The following PCDHA5 variants were observed in gnomAD, a reference collection of about 807,000 sequenced individuals.
The protein encoded by PCDHA5 is protocadherin alpha 5, also known as protocadherin alpha-5.
Under a neutral mutation model 61.6 loss-of-function variants are expected in PCDHA5, and 43 were observed. That is an observed-to-expected ratio of 0.70 (90% confidence interval 0.55 to 0.90). PCDHA5 has a LOEUF of 0.90. PCDHA5 is among the 40% of genes least tolerant of loss of function. The probability of loss-of-function intolerance (pLI) is 0.00; values close to 1 mark genes in which losing one functional copy is unlikely to be tolerated. For missense variants in PCDHA5, 1,298 were observed against 1,222.7 expected (o/e 1.06, Z -0.92); for synonymous variants, 627 against 543.9 (o/e 1.15, Z -2.13).
At chr5:140,891,317 C>A (rs2063039508) in intron 1 of PCDHA5, among the ~76,000 whole-genome samples, 1 of 151,808 alleles carries the variant, frequency 6.6e-6, no homozygotes, top group South Asian at 2.1e-4. Context: ...TGAGTAAGTT[C>A]TTTGGTGGTG....
Position 140,841,637 on chromosome 5 carries a change from C to G in PCDHA5, c.2352+17510C>G, listed in dbSNP as rs2150319876. The G allele has an allele frequency of 4.3e-6, 7 of 1,614,008 alleles. No individual in the cohort carries two copies. Among genetic ancestry groups the G allele is most frequent in the Admixed American group, 3.3e-5 (2 of 59,990 alleles). ...GCGGAGCGCGGAGTGCAGCATCCAC[C>G]TGGAGGTGATCGTGGACAGGCCGCT... On this transcript the variant is annotated intron_variant, in intron 1 of 3. Coordinates refer to ENST00000529859, the MANE Select transcript of PCDHA5 (RefSeq NM_018908.3).
Position 140,908,048 on chromosome 5 carries a change from C to T in PCDHA5, c.2353-70901C>T, listed in dbSNP as rs143198443. On this transcript the variant is annotated intron_variant, in intron 1 of 3. Transcript: ENST00000529859. The stretch of plus-strand genomic sequence containing the variant: ...ATTAATCAGTATATAATTGCACATC[C>T]GGCCATTTCTCCTTCATGAAAAGTG... 1.1e-3 allele frequency among the ~76,000 whole-genome samples: 169 copies of T among 152,294 alleles called. 1 individual carries two copies. The East Asian group carries it at 0.023, about 21-fold the overall frequency.
At chr5:140,856,648 T>C in intron 1 of PCDHA5, 1 of 1,598,290 alleles carries the variant, frequency 6.3e-7, no homozygotes, top group Non-Finnish European at 8.6e-7. Context: ...AGCTGCTGGA[T>C]CGTGAAGAAA....
chr5:140,867,114 G>T (rs567577345), intron 1 of PCDHA5: 1 of 152,168 alleles, frequency 6.6e-6, no homozygotes, highest in Admixed American at 6.5e-5. Context: ...TTAACATATT[G>T]TTTTAATTCA....
At position 140,998,145 on chromosome 5, in the gene PCDHA5, A is replaced by G. The variant is rs115385085; in HGVS notation, c.2501-11482A>G. ...GAATCATAATAGCTAACCTGTACTG[A>G]ACAGTTAAGCCATGTGCCAAGTATT... On this transcript the variant is annotated intron_variant, in intron 3 of 3. Transcript: ENST00000529859. 2.1e-3 allele frequency among the ~76,000 whole-genome samples: 325 copies of G among 152,342 alleles called. 2 individuals carry two copies. Among genetic ancestry groups the G allele is most frequent in the African/African-American group, 7.1e-3 (294 of 41,566 alleles).
chr5:140,871,436 G>A, intron 1 of PCDHA5: 1 of 1,612,324 alleles, frequency 6.2e-7, no homozygotes, highest in East Asian at 2.2e-5. Context: ...CTTCCTCTAG[G>A]TCTGAATAAA....
rs2150336265 is a variant in PCDHA5, at chr5:140,842,444, A to C, written c.2352+18317A>C. 3.1e-6 allele frequency: 5 copies of C among 1,613,778 alleles called. No homozygotes were observed. The East Asian group carries it at 1.1e-4, about 36-fold the overall frequency. On this transcript the variant is annotated intron_variant, in intron 1 of 3. Transcript: ENST00000529859. ...TACTGTCATCGCCCTAATTAGCGTGAACGACCTCGATTCAGGTGCCAACGG... is the reference window on the plus strand; with the variant it reads ...TACTGTCATCGCCCTAATTAGCGTGCACGACCTCGATTCAGGTGCCAACGG...
chr5:140,822,816 A>C lies in PCDHA5; in HGVS notation c.1041A>C (p.Pro347=). The C allele has an allele frequency of 6.2e-7, 1 of 1,614,198 alleles. No homozygotes were observed. The highest frequency in any genetic ancestry group is 8.5e-7 in the Non-Finnish European group (1 of 1,180,024). ...TCCTGGATGTGAATGATAATACCCC[A>C]GAGATGGCCATAACCACCCTTTTCC... ...VKLLDVNDNT[P]EMAITTLFLP... The change falls in exon 1 of 4, where the codon CCA becomes CCC. Residue 347 remains proline (P), a synonymous_variant. Coordinates refer to ENST00000529859, the MANE Select transcript of PCDHA5 (RefSeq NM_018908.3).
rs147892853 is a variant in PCDHA5 at position 140,979,173 on chromosome 5, C to A, written c.2411+166C>A. ...CCCATGTTTATTCCTTGAAAGATCG[C>A]AAATGGTCAGTGCCAGATGCTTATC... On this transcript the variant is annotated intron_variant, in intron 2 of 3. Transcript: ENST00000529859. The A allele has an allele frequency of 5.2e-6, 5 of 958,838 alleles. No individual in the cohort carries two copies. The Admixed American group carries it at 3.1e-4, about 59-fold the overall frequency. 59.4% of individuals were successfully genotyped at this position (958,838 alleles called of 1,614,324 possible).
At chr5:140,952,794 G>T (rs2094798904) in intron 1 of PCDHA5, among the ~76,000 whole-genome samples, 1 of 152,140 alleles carries the variant, frequency 6.6e-6, no homozygotes, top group Admixed American at 6.5e-5. Context: ...GGTTTAACTG[G>T]CTCGCAGTTC....
chr5:140,941,939 T>C (rs2153657014), intron 1 of PCDHA5, among the ~76,000 whole-genome samples: 1 of 152,358 alleles, frequency 6.6e-6, no homozygotes, highest in African/African-American at 2.4e-5. Context: ...TTTGAATTAC[T>C]TTTGTTTTGA....
chr5:140,941,191 TTTTCTTTCTTCCTTTCTTTCTTCC>T (rs1293685535), intron 1 of PCDHA5, among the ~76,000 whole-genome samples: 31 of 93,206 alleles, frequency 3.3e-4, no homozygotes, highest in African/African-American at 1.1e-3. Context: ...GCTTCTTTTT[TTTTCTTTCTTCCTTTCTTTCTTCC>T]TTTCTTTCTT....
At chr5:140,829,309 G>C (rs2150165707) in intron 1 of PCDHA5, 8 of 1,614,134 alleles carry the variant, frequency 5.0e-6, no homozygotes, top group Non-Finnish European at 6.8e-6. Flanking sequence ...ATTACTACTC[G>C]TTGGTGCTGG....
At chr5:140,828,561 C>G (rs2150156811) in intron 1 of PCDHA5, 1 of 1,614,178 alleles carries the variant, frequency 6.2e-7, no homozygotes, top group Admixed American at 1.7e-5. Flanking sequence ...CTGGAGGGCG[C>G]GTCCGATGCA....
chr5:140,966,694 C>T, intron 1 of PCDHA5: 1 of 1,358,670 alleles, frequency 7.4e-7, no homozygotes, highest in Non-Finnish European at 9.5e-7. Context: ...GAGGCGGGGC[C>T]CGGGCGTGGG....
chr5:140,932,406 T>C (rs1235222855), intron 1 of PCDHA5, among the ~76,000 whole-genome samples: 1 of 151,924 alleles, frequency 6.6e-6, no homozygotes, highest in East Asian at 1.9e-4. Flanking sequence ...CATACCAATG[T>C]TATATTAGTG....
Position 140,821,721 on chromosome 5 carries a change from C to T in PCDHA5, c.-55C>T. On this transcript the variant is annotated 5_prime_UTR_variant, in exon 1 of 4. Coordinates refer to ENST00000529859, the MANE Select transcript of PCDHA5 (RefSeq NM_018908.3). ...TATAGTTAATTGGGAATTGAATTTA[C>T]AAAATACATTGTGTGGTGATGCAAT... 4 of 1,501,544 alleles carry T rather than the reference C, an allele frequency of 2.7e-6. No homozygotes were observed. Among genetic ancestry groups the T allele is most frequent in the Non-Finnish European group, 2.7e-6 (3 of 1,116,064 alleles). The allele number at this position is 1,501,544 out of a possible 1,614,324, so 93.0% of individuals were successfully genotyped here.
intron 1 of PCDHA5, among the ~76,000 whole-genome samples, chr5:140,905,079 T>C (rs2071581588): frequency 6.6e-6 from 1 of 152,168 alleles, no homozygotes; most frequent in Admixed American, 6.5e-5. Context: ...AGTTGCACTT[T>C]CTTTTGGGTT....
At chr5:140,831,563 A>G (rs2150196275) in intron 1 of PCDHA5, among the ~76,000 whole-genome samples, 6 of 126,944 alleles carry the variant, frequency 4.7e-5, no homozygotes, top group Admixed American at 4.6e-4. Context: ...GGGTTTCTCC[A>G]TGTTGCCCAG....
Sources: allele counts gnomAD v4.1 joint callset (sites outside exome capture counted in the v4.1 genomes callset), GRCh38; gene constraint gnomAD v4.1.1; transcripts MANE v1.5; gene names NCBI Gene and HGNC (gene_info 2026-07-23, HGNC 2026-07-21).